Variants in UNC13C observed in about 807,000 individuals in gnomAD.
UNC13C encodes the protein protein unc-13 homolog C.
UNC13C carries 174 observed loss-of-function variants against 245.4 expected under a neutral mutation model. That is an observed-to-expected ratio of 0.71 (90% CI 0.63 to 0.80). The LOEUF (loss-of-function observed/expected upper bound fraction) is 0.80. UNC13C is among the 30% of genes least tolerant of loss of function. The pLI is 0.00. For missense variants in UNC13C, 2,829 were observed against 2,602.9 expected, an observed-to-expected ratio of 1.09 and a Z score of -1.89; for synonymous variants, 992 against 895.1, an observed-to-expected ratio of 1.11 and a Z score of -1.93.
At chr15:53,975,627 C>G (rs950386008), upstream of UNC13C, among the ~76,000 whole-genome samples, 3 of 152,106 alleles carry the variant, frequency 2.0e-5, no homozygotes, top group Admixed American at 1.3e-4. Flanking sequence ...CAAGAATGAC[C>G]CCTTTACTTG....
chr15:54,281,041 G>T (rs965863650), intron 10 of UNC13C, among the ~76,000 whole-genome samples: 2 of 151,922 alleles, frequency 1.3e-5, no homozygotes, highest in East Asian at 1.9e-4. Context: ...CAAGTGATCC[G>T]CCTGCCTCAG....
At chr15:53,979,147 C>T (rs891252519) in intron 1 of UNC13C, among the ~76,000 whole-genome samples, 2 of 151,946 alleles carry the variant, frequency 1.3e-5, no homozygotes, top group African/African-American at 4.8e-5. Context: ...AAAAAGAATT[C>T]AGAATGATAA....
In UNC13C at chr15:54,367,724, A is replaced by G. The variant is rs143851893; in HGVS notation, c.4714-25324A>G. Among the ~76,000 whole-genome samples the G allele has an allele frequency of 8.7e-4, 133 of 152,248 alleles. 1 individual carries two copies. Among genetic ancestry groups the G allele is most frequent in the Middle Eastern group, 3.4e-3 (1 of 294 alleles). ...TCCATTATAGCATCTAGTCTCAGTT[A>G]AATCTTGGATTGTAGACTGAGGCAA... is the stretch of plus-strand genomic sequence containing the variant. On this transcript the variant is annotated intron_variant, in intron 17 of 32. Transcript: ENST00000260323.
At chr15:54,537,019 T>C (rs1017717018) in intron 26 of UNC13C, among the ~76,000 whole-genome samples, 10 of 152,076 alleles carry the variant, frequency 6.6e-5, no homozygotes, top group East Asian at 3.8e-4. Flanking sequence ...GGCATCCAAA[T>C]AGGAAGAGAG....
At chr15:54,592,561 CT>C (rs1367623131) in intron 30 of UNC13C, among the ~76,000 whole-genome samples, 2 of 152,154 alleles carry the variant, frequency 1.3e-5, no homozygotes, top group Non-Finnish European at 2.9e-5. Flanking sequence ...CCCTTTTTGT[CT>C]CTTTTAACCG....
At chr15:53,933,476 A>G in the UNC13C span, among the ~76,000 whole-genome samples, 1 of 152,188 alleles carries the variant, frequency 6.6e-6, no homozygotes, top group Non-Finnish European at 1.5e-5. Flanking sequence ...TTTACTTCCA[A>G]CATTTCAGCA....
intron 17 of UNC13C, among the ~76,000 whole-genome samples, chr15:54,350,232 C>T (rs370604462): frequency 3.9e-5 from 6 of 152,212 alleles, no homozygotes; most frequent in East Asian, 1.9e-4. Context: ...CCTCGTGATC[C>T]GCCTGCCTCG....
rs1016371917 is a variant in UNC13C, at chr15:54,058,728, C to G, written c.2983+42842C>G. On this transcript the variant is annotated intron_variant, in intron 2 of 32. Transcript: ENST00000260323. ...AAATCCTCAATAAAATACTGGCAAA[C>G]AGAATCCAGCAGCACATCAAAAAGC... Among the ~76,000 whole-genome samples, 55 of 152,142 alleles carry G rather than the reference C, an allele frequency of 3.6e-4. 1 individual carries two copies. The highest frequency in any genetic ancestry group is 1.2e-4 in the Non-Finnish European group (8 of 68,032).
chr15:54,576,360 G>A (rs539445692), intron 30 of UNC13C, among the ~76,000 whole-genome samples: 59 of 152,210 alleles, frequency 3.9e-4, no homozygotes, highest in South Asian at 1.7e-3. Flanking sequence ...TTAAATAATT[G>A]GGTGTAGTTC....
At chr15:54,221,502 G>A (rs750215865) in intron 4 of UNC13C, among the ~76,000 whole-genome samples, 2 of 151,548 alleles carry the variant, frequency 1.3e-5, no homozygotes, top group African/African-American at 2.4e-5. Flanking sequence ...AATACATAAC[G>A]TTAGGCAAAA....
intron 7 of UNC13C, among the ~76,000 whole-genome samples, chr15:54,245,969 C>G (rs2035979647): frequency 6.6e-6 from 1 of 151,986 alleles, no homozygotes; most frequent in Non-Finnish European, 1.5e-5. Context: ...AGGAGAGAAA[C>G]AATGTGGCAA....
chr15:53,861,694 G>A, the UNC13C span, among the ~76,000 whole-genome samples: 124 of 152,290 alleles, frequency 8.1e-4, no homozygotes, highest in Middle Eastern at 3.4e-3. Flanking sequence ...AACACAATGA[G>A]TTGGAAGCAG....
intron 6 of UNC13C, 40 bp downstream of exon 6, chr15:54,236,475 C>G (rs571420443): frequency 1.3e-6 from 2 of 1,549,106 alleles, no homozygotes; most frequent in Admixed American, 3.4e-5. Context: ...ATTTTGCAGT[C>G]TTCTCAAACA....
At chr15:54,115,378 G>A (rs2030165839) in intron 2 of UNC13C, among the ~76,000 whole-genome samples, 1 of 151,970 alleles carries the variant, frequency 6.6e-6, no homozygotes, top group Admixed American at 6.5e-5. Context: ...CCTTCACTGT[G>A]GTTTTGTGCT....
chr15:54,510,248 C>A (rs1464266828), intron 23 of UNC13C, among the ~76,000 whole-genome samples: 3 of 152,136 alleles, frequency 2.0e-5, no homozygotes, highest in African/African-American at 7.2e-5. Context: ...GGATTTCTCC[C>A]TGGTAGGATT....
the UNC13C span, among the ~76,000 whole-genome samples, chr15:53,888,400 T>A: frequency 0.013 from 1,986 of 151,640 alleles, 42 homozygotes; most frequent in African/African-American, 0.045. Flanking sequence ...TTAATAGAGT[T>A]TTTTTTTCTT....
At chr15:54,024,508 A>G (rs1036940220) in intron 2 of UNC13C, among the ~76,000 whole-genome samples, 3 of 152,230 alleles carry the variant, frequency 2.0e-5, no homozygotes, top group Non-Finnish European at 4.4e-5. Context: ...TGTTTCCTGC[A>G]CTAAAGATAG....
At chr15:53,902,619 T>C in the UNC13C span, among the ~76,000 whole-genome samples, 1 of 152,272 alleles carries the variant, frequency 6.6e-6, no homozygotes, top group South Asian at 2.1e-4. Flanking sequence ...AATTAACTCA[T>C]ATTAAACACT....
At chr15:54,022,607 G>A (rs927902485) in intron 2 of UNC13C, among the ~76,000 whole-genome samples, 3 of 152,052 alleles carry the variant, frequency 2.0e-5, no homozygotes, top group African/African-American at 7.2e-5. Context: ...TTATTTTCTT[G>A]CTATTGACTT....
Sources: allele counts gnomAD v4.1 joint callset (sites outside exome capture counted in the v4.1 genomes callset), GRCh38; gene constraint gnomAD v4.1.1; transcripts MANE v1.5; gene names NCBI Gene and HGNC (gene_info 2026-07-23, HGNC 2026-07-21).